PSG11: variants seen among roughly 807,000 people sequenced by gnomAD.
PSG11 encodes the protein pregnancy specific beta-1-glycoprotein 11.
A neutral mutation model predicts 36.0 loss-of-function variants in PSG11; 42 were observed. That is an observed-to-expected ratio of 1.17 (90% CI 0.91 to 1.51). The LOEUF is 1.51. Ranked by LOEUF, PSG11 falls within the 40% of genes most tolerant of loss-of-function variation. The pLI, the probability that PSG11 is intolerant of heterozygous loss-of-function variation, is 0.00. For missense variants in PSG11, 558 were observed against 403.5 expected (o/e 1.38, Z -3.28); for synonymous variants, 206 against 153.5 (o/e 1.34, Z -2.53).
At chr19:43,023,239 C>A (rs564603587) in intron 2 of PSG11, among the ~76,000 whole-genome samples, 22 of 150,380 alleles carry the variant, frequency 1.5e-4, no homozygotes, top group Admixed American at 4.0e-4. Flanking sequence ...GTGGCTAGAA[C>A]CTCCTAGGAT....
chr19:43,018,267 T>C lies in PSG11; in HGVS notation c.709+503A>G, dbSNP rs545620726. On this transcript the variant is annotated intron_variant, in intron 3 of 5. Transcript: ENST00000320078. ...GAACTTCCCACCAATCAGCCAAGAA[T>C]GCTCTGCCAGTGGGTGAGTGTCTAT... 1.4e-4 allele frequency: 26 copies of C among 189,584 alleles called. No individual in the cohort carries two copies. The South Asian group carries it at 1.6e-3, about 12-fold the overall frequency. The allele number at this position is 189,584 out of a possible 1,614,324, so 11.7% of individuals were successfully genotyped here.
intron 5 of PSG11, among the ~76,000 whole-genome samples, chr19:43,008,744 A>G (rs1973995440): frequency 1.3e-5 from 2 of 151,388 alleles, no homozygotes; most frequent in Admixed American, 6.6e-5. Flanking sequence ...GGTGTAGCCC[A>G]TTCATAAATA....
rs140167694 is a variant in PSG11, at chr19:43,019,035, C to T, written c.444G>A (p.Lys148=). 23 of 1,611,680 alleles carry T rather than the reference C, an allele frequency of 1.4e-5. 1 individual carries two copies. Among genetic ancestry groups the T allele is most frequent in the African/African-American group, 1.3e-4 (10 of 74,468 alleles). ...FTFTLYLETP[K]PSISSSNLNP... is the part of the protein sequence containing the mutation. ...TTAAGTTGCTGCTGGAGATGGAGGG[C>T]TTGGGAGTCTCCACTGTGCAGAAAA... The change falls in exon 3 of 6, where the codon AAG becomes AAA. Residue 148 remains lysine, a synonymous_variant. Coordinates refer to ENST00000320078, the MANE Select transcript of PSG11 (RefSeq NM_002785.3).
At chr19:43,024,063 C>A (rs977487569) in intron 2 of PSG11, among the ~76,000 whole-genome samples, 8 of 151,360 alleles carry the variant, frequency 5.3e-5, no homozygotes, top group African/African-American at 9.8e-5. Flanking sequence ...TGGCTGATGA[C>A]CTACAAAGCT....
intron 4 of PSG11, 138 bp from the exon 5 acceptor site, chr19:43,010,179 G>A (rs2122782843): frequency 6.8e-7 from 1 of 1,460,712 alleles, no homozygotes; most frequent in Non-Finnish European, 9.1e-7. Flanking sequence ...GAAAATTGAT[G>A]GGAGATGATT....
rs1652053035 is a variant in PSG11, at chr19:43,010,182, AGAT to A, written c.965-144_965-142del. On this transcript the variant is annotated intron_variant, in intron 4 of 5. Transcript: ENST00000320078. ...TTATTTCTGTTGGAAAATTGATGGG[AGAT>A]GATTATATTCTTGCAGTTTTTTTTC... The A allele has an allele frequency of 1.3e-5, 19 of 1,458,950 alleles. No homozygotes were observed. The South Asian group carries it at 2.8e-4, about 21-fold the overall frequency. The allele number at this position is 1,458,950 out of a possible 1,614,324, so 90.4% of individuals were successfully genotyped here. A position where few individuals can be genotyped will look rare whatever the true frequency, so the allele number is the denominator to read the frequency against.
In PSG11 at chr19:43,015,210, C is replaced by T. The variant is rs11083680; in HGVS notation, c.870G>A (p.Gln290=). 0.49 allele frequency: 781,054 copies of T among 1,610,294 alleles called. 206,569 individuals carry two copies. Among genetic ancestry groups the T allele is most frequent in the East Asian group, 1 (44,583 of 44,770 alleles). ...AGAGCCCATTATGCTTTGGAGTAATCTGAGGGATAAAGAGCTTTTGTCCTG... is the reference window on the plus strand; with the variant it reads ...AGAGCCCATTATGCTTTGGAGTAATTTGAGGGATAAAGAGCTTTTGTCCTG... ...QLSGQKLFIP[Q]ITPKHNGLYA... is the part of the protein sequence containing the mutation. The change falls in exon 4 of 6, where the codon CAG becomes CAA. Residue 290 remains glutamine, a synonymous_variant. Transcript: ENST00000320078.
rs778681037 is a variant in PSG11, at chr19:43,026,387, G to T, written c.-15C>A. 1.2e-6 allele frequency: 2 copies of T among 1,607,956 alleles called. No homozygotes were observed. Among genetic ancestry groups the T allele is most frequent in the Admixed American group, 1.7e-5 (1 of 59,702 alleles). On this transcript the variant is annotated 5_prime_UTR_variant, in exon 1 of 6. Coordinates refer to ENST00000320078, the MANE Select transcript of PSG11 (RefSeq NM_002785.3). The stretch of plus-strand genomic sequence containing the variant: ...AGGGGCCCCATGATCTCTGCTGCGT[G>T]CATGTTCTCCTCTGTGGAGATGAGC...
intron 3 of PSG11, chr19:43,015,804 A>G (rs1966949941): frequency 6.2e-7 from 1 of 1,609,942 alleles, no homozygotes; most frequent in African/African-American, 1.3e-5. Flanking sequence ...TGCGGATGCC[A>G]CCATATCGGT....
chr19:43,014,257 A>T, intron 4 of PSG11: 1 of 760,782 alleles, frequency 1.3e-6, no homozygotes, highest in Non-Finnish European at 1.6e-6. Context: ...TATTAGATAT[A>T]TATAGTGTCT....
intron 3 of PSG11, 58 bp from the exon 4 acceptor site, chr19:43,015,428 T>C (rs536104417): frequency 6.4e-7 from 1 of 1,551,076 alleles, no homozygotes; most frequent in Non-Finnish European, 8.8e-7. Context: ...GGAAGCTCCT[T>C]GTCTCTTAAA....
rs746023343 is a variant in PSG11 at position 43,018,894 on chromosome 19, C to T, written c.585G>A (p.Leu195=). 2.5e-6 allele frequency: 4 copies of T among 1,612,106 alleles called. No individual in the cohort carries two copies. Among genetic ancestry groups the T allele is most frequent in the Middle Eastern group, 1.7e-4 (1 of 6,056 alleles). The change falls in exon 3 of 6, where the codon CTG becomes CTA. Residue 195 remains leucine, a synonymous_variant. Coordinates refer to ENST00000320078, the MANE Select transcript of PSG11 (RefSeq NM_002785.3). ...GAAAGAGGGTCCTGTTGGTTTCAGA[C>T]AGCTGCATCCTATGAGTCATAGGGA... ...QSLPMTHRMQ[L]SETNRTLFLF...
chr19:43,021,012 A>G (rs1199542114), intron 2 of PSG11, among the ~76,000 whole-genome samples: 1 of 151,344 alleles, frequency 6.6e-6, no homozygotes, highest in Non-Finnish European at 1.5e-5. Context: ...TGAAAACGGC[A>G]TCATCATGAG....
At chr19:43,022,471 C>T (rs1162424618) in intron 2 of PSG11, among the ~76,000 whole-genome samples, 1 of 151,352 alleles carries the variant, frequency 6.6e-6, no homozygotes, top group Admixed American at 6.6e-5. Flanking sequence ...CTGAAACTAT[C>T]CTTGAAAATC....
At chr19:43,023,262 A>ATCCAG (rs1238322111) in intron 2 of PSG11, among the ~76,000 whole-genome samples, 1 of 150,308 alleles carries the variant, frequency 6.7e-6, no homozygotes, top group African/African-American at 2.5e-5. Context: ...TGCATTCAAG[A>ATCCAG]TCCAGTCTCT....
intron 2 of PSG11, among the ~76,000 whole-genome samples, chr19:43,019,899 A>T (rs894799273): frequency 2.0e-5 from 3 of 151,608 alleles, no homozygotes; most frequent in South Asian, 4.2e-4. Flanking sequence ...ACATGAACTG[A>T]TGATGGAAGT....
chr19:43,016,260 G>C (rs1377210282), intron 3 of PSG11, among the ~76,000 whole-genome samples: 7 of 151,360 alleles, frequency 4.6e-5, no homozygotes, highest in South Asian at 2.1e-4. Flanking sequence ...CAGACTTTCT[G>C]AAGTGTCAAT....
intron 2 of PSG11, among the ~76,000 whole-genome samples, chr19:43,021,869 A>G (rs988638326): frequency 2.0e-5 from 3 of 151,388 alleles, no homozygotes; most frequent in African/African-American, 4.9e-5. Flanking sequence ...AGGCCTGTCC[A>G]GCCTCTGACA....
chr19:43,017,055 T>C (rs958787691), intron 3 of PSG11, among the ~76,000 whole-genome samples: 1 of 151,044 alleles, frequency 6.6e-6, no homozygotes, highest in African/African-American at 2.4e-5. Flanking sequence ...GATTCCAGAG[T>C]GAATATGAGA....
Sources: gnomAD v4.1 joint callset for allele counts (sites outside exome capture counted in the v4.1 genomes callset) on GRCh38, gnomAD v4.1.1 for gene constraint, MANE v1.5 for transcripts, NCBI Gene and HGNC (gene_info 2026-07-23, HGNC 2026-07-21) for gene names.